CACNG2: variants seen among roughly 807,000 people sequenced by gnomAD.
CACNG2 encodes the protein calcium voltage-gated channel auxiliary subunit gamma 2.
CACNG2 carries 3 observed loss-of-function variants against 25.9 expected under a neutral mutation model. The observed-to-expected ratio is 0.12, with a 90% CI of 0.05 to 0.30. The LOEUF is 0.30. Ranked by LOEUF, CACNG2 falls within the 10% of genes least tolerant of loss-of-function variation. The pLI, the probability that CACNG2 is intolerant of heterozygous loss-of-function variation, is 1.00. For missense variants in CACNG2, 341 were observed against 432.5 expected (o/e 0.79, Z 1.88); for synonymous variants, 167 against 173.3 (o/e 0.96, Z 0.29).
At chr22:36,604,168 G>A (rs1454512240) in intron 1 of CACNG2, among the ~76,000 whole-genome samples, 2 of 152,198 alleles carry the variant, frequency 1.3e-5, no homozygotes, top group African/African-American at 4.8e-5. Flanking sequence ...TTCAGAAGAG[G>A]AAGTAATTCA....
At chr22:36,646,250 AC>A (rs1264278002) in intron 1 of CACNG2, among the ~76,000 whole-genome samples, 1 of 152,024 alleles carries the variant, frequency 6.6e-6, no homozygotes, top group African/African-American at 2.4e-5. Flanking sequence ...GAGGAAACTT[AC>A]CCCCTGTCCT....
At chr22:36,687,902 C>T (rs1048436277) in intron 1 of CACNG2, among the ~76,000 whole-genome samples, 25 of 152,130 alleles carry the variant, frequency 1.6e-4, no homozygotes, top group African/African-American at 5.1e-4. Context: ...CAAGAGCCTC[C>T]GGAAGGAATG....
intron 1 of CACNG2, among the ~76,000 whole-genome samples, chr22:36,643,602 G>C (rs1353824611): frequency 6.6e-6 from 1 of 152,032 alleles, no homozygotes; most frequent in African/African-American, 2.4e-5. Context: ...TAATCAGAAG[G>C]GAAGGTCAGG....
intron 1 of CACNG2, among the ~76,000 whole-genome samples, chr22:36,597,996 T>C (rs1046807779): frequency 1.8e-4 from 28 of 152,362 alleles, no homozygotes; most frequent in African/African-American, 5.8e-4. Context: ...GAATATACCA[T>C]ATTTTCCTTG....
At chr22:36,655,317 G>A (rs1202840124) in intron 1 of CACNG2, among the ~76,000 whole-genome samples, 1 of 152,174 alleles carries the variant, frequency 6.6e-6, no homozygotes, top group Non-Finnish European at 1.5e-5. Context: ...TTCTACCTGA[G>A]GTCTTGGTTA....
At chr22:36,586,252 G>A (rs1040093455) in intron 2 of CACNG2, among the ~76,000 whole-genome samples, 1 of 152,226 alleles carries the variant, frequency 6.6e-6, no homozygotes, top group Non-Finnish European at 1.5e-5. Flanking sequence ...CTCAACCCAC[G>A]TTTACCGCAC....
At chr22:36,622,818 G>GGGC (rs1296830633) in intron 1 of CACNG2, among the ~76,000 whole-genome samples, 1 of 151,622 alleles carries the variant, frequency 6.6e-6, no homozygotes, top group Non-Finnish European at 1.5e-5. Flanking sequence ...AATTAGCTTG[G>GGGC]GGTGGTGGCG....
chr22:36,613,477 G>A lies in CACNG2; in HGVS notation c.212-25929C>T, dbSNP rs533355575. Among the ~76,000 whole-genome samples the A allele has an allele frequency of 7.9e-5, 12 of 152,148 alleles. No homozygotes were observed. The South Asian group carries it at 1.7e-3, about 21-fold the overall frequency. On this transcript the variant is annotated intron_variant, in intron 1 of 3. Coordinates refer to ENST00000300105, the MANE Select transcript of CACNG2 (RefSeq NM_006078.5). The stretch of plus-strand genomic sequence containing the variant: ...CACCTGGCTTCTTTCTTGATGTGCC[G>A]TCTTCCCTTGGCGTCTGGGTCCTCA...
At chr22:36,610,964 TG>T (rs1935931204) in intron 1 of CACNG2, among the ~76,000 whole-genome samples, 1 of 152,248 alleles carries the variant, frequency 6.6e-6, no homozygotes, top group Non-Finnish European at 1.5e-5. Flanking sequence ...TAGTTGCCAT[TG>T]GGAAGGCAAA....
At chr22:36,624,094 C>T (rs5756268) in intron 1 of CACNG2, among the ~76,000 whole-genome samples, 13,011 of 152,220 alleles carry the variant, frequency 0.085, 775 homozygotes, top group East Asian at 0.23. Context: ...GAGAGGGGAC[C>T]TTGTTGCCTT....
intron 1 of CACNG2, among the ~76,000 whole-genome samples, chr22:36,695,390 C>T (rs544762052): frequency 2.7e-4 from 41 of 152,220 alleles, no homozygotes; most frequent in Middle Eastern, 3.4e-3. Flanking sequence ...AAAAACATAA[C>T]AGAACAGTAC....
chr22:36,698,673 T>A lies in CACNG2; in HGVS notation c.211+3693A>T, dbSNP rs530302595. Among the ~76,000 whole-genome samples, 70 of 152,244 alleles carry A rather than the reference T, an allele frequency of 4.6e-4. 1 individual carries two copies. The highest frequency in any genetic ancestry group is 3.4e-3 in the Middle Eastern group (1 of 294). The stretch of plus-strand genomic sequence containing the variant: ...GTGGGGGCAAGAAAGGAGAAGCCAC[T>A]GATGGATGAGGAGCTCAGATATTCA... On this transcript the variant is annotated intron_variant, in intron 1 of 3. Coordinates refer to ENST00000300105, the MANE Select transcript of CACNG2 (RefSeq NM_006078.5).
At chr22:36,686,455 C>T (rs1313461900) in intron 1 of CACNG2, among the ~76,000 whole-genome samples, 1 of 152,166 alleles carries the variant, frequency 6.6e-6, no homozygotes, top group Non-Finnish European at 1.5e-5. Context: ...GAGCCCGGAG[C>T]TCCCCCAAGG....
intron 2 of CACNG2, among the ~76,000 whole-genome samples, chr22:36,576,592 ATGTGTG>A (rs760972096): frequency 6.7e-6 from 1 of 149,052 alleles, no homozygotes; most frequent in Non-Finnish European, 1.5e-5. Context: ...GTGTGTGTGT[ATGTGTG>A]TGTGTGTGTG....
At chr22:36,689,661 A>T (rs1056772272) in intron 1 of CACNG2, among the ~76,000 whole-genome samples, 2 of 152,252 alleles carry the variant, frequency 1.3e-5, no homozygotes, top group East Asian at 3.8e-4. Context: ...TTTCCAAGGT[A>T]GAAATGAGAA....
At chr22:36,618,144 G>A (rs1936049500) in intron 1 of CACNG2, among the ~76,000 whole-genome samples, 2 of 152,220 alleles carry the variant, frequency 1.3e-5, no homozygotes, top group East Asian at 1.9e-4. Context: ...GACACTGCCA[G>A]CCTCTTCTCT....
At position 36,583,764 on chromosome 22, in the gene CACNG2, G is replaced by A. The variant is rs950411186; in HGVS notation, c.295+3701C>T. Among the ~76,000 whole-genome samples the A allele has an allele frequency of 3.0e-4, 46 of 152,092 alleles. 1 individual carries two copies. Among genetic ancestry groups the A allele is most frequent in the Non-Finnish European group, 7.4e-5 (5 of 68,010 alleles). ...GGGCTCCCTGCCTCTGTTTCCAACC[G>A]TCACTACCACAGCAGCCAGGCTGAT... is the stretch of plus-strand genomic sequence containing the variant. On this transcript the variant is annotated intron_variant, in intron 2 of 3. Transcript: ENST00000300105.
intron 1 of CACNG2, among the ~76,000 whole-genome samples, chr22:36,619,669 C>T (rs1936077157): frequency 6.6e-6 from 1 of 152,310 alleles, no homozygotes; most frequent in East Asian, 1.9e-4. Flanking sequence ...ATAATCAAGG[C>T]GGTAAAGTTC....
At chr22:36,636,291 C>A (rs1213510248) in intron 1 of CACNG2, among the ~76,000 whole-genome samples, 1 of 152,154 alleles carries the variant, frequency 6.6e-6, no homozygotes, top group Non-Finnish European at 1.5e-5. Context: ...CTTTACAAGC[C>A]CGTTCCTTCC....
Sources: allele counts gnomAD v4.1 joint callset (sites outside exome capture counted in the v4.1 genomes callset), GRCh38; gene constraint gnomAD v4.1.1; transcripts MANE v1.5; gene names NCBI Gene and HGNC (gene_info 2026-07-23, HGNC 2026-07-21).